TDRD7: variants seen among roughly 807,000 people sequenced by gnomAD.
TDRD7 encodes tudor domain containing 7.
In TDRD7, 47 loss-of-function variants were observed where a neutral mutation model predicts 109.8. The observed-to-expected ratio is 0.43, with a 90% CI of 0.34 to 0.55. The LOEUF (loss-of-function observed/expected upper bound fraction) is 0.55. TDRD7 is among the 20% of genes least tolerant of loss of function. The pLI is 0.03. For missense variants in TDRD7, 1,164 were observed against 1,319.2 expected (o/e 0.88, Z 1.82); for synonymous variants, 424 against 457.3 (o/e 0.93, Z 0.93).
chr9:97,443,103 CAT>C (rs773055612), intron 6 of TDRD7, among the ~76,000 whole-genome samples: 9 of 152,110 alleles, frequency 5.9e-5, no homozygotes, highest in East Asian at 3.9e-4. Context: ...TGGCCGAAAA[CAT>C]GTGTTTTTGT....
chr9:97,454,351 G>C (rs988992915), intron 6 of TDRD7, among the ~76,000 whole-genome samples: 2 of 152,056 alleles, frequency 1.3e-5, no homozygotes, highest in African/African-American at 2.4e-5. Flanking sequence ...GTGGTGGCAG[G>C]CACCTGTAGT....
intron 13 of TDRD7, chr9:97,480,500 G>T: frequency 3.3e-6 from 1 of 302,604 alleles, no homozygotes; most frequent in Non-Finnish European, 6.4e-6. Context: ...TGCAACTTTG[G>T]TATCTTATAC....
intron 12 of TDRD7, among the ~76,000 whole-genome samples, chr9:97,477,226 A>G (rs1829038092): frequency 6.6e-6 from 1 of 152,216 alleles, no homozygotes; most frequent in Non-Finnish European, 1.5e-5. Context: ...TAACCATTGC[A>G]TAATTATCAA....
At chr9:97,462,011 T>C (rs963569544) in intron 7 of TDRD7, among the ~76,000 whole-genome samples, 1 of 152,186 alleles carries the variant, frequency 6.6e-6, no homozygotes, top group East Asian at 1.9e-4. Context: ...CCAGAAACTT[T>C]AGAGAGGATA....
At position 97,412,532 on chromosome 9, in the gene TDRD7, C is replaced by G. The variant is rs1234899732; in HGVS notation, c.-7+294C>G. Among the ~76,000 whole-genome samples the G allele has an allele frequency of 6.6e-6, 1 of 152,208 alleles. No homozygotes were observed. Among genetic ancestry groups the G allele is most frequent in the African/African-American group, 2.4e-5 (1 of 41,464 alleles). ...GGGAGTCGGACGGAGCCTCCTGCCG[C>G]CTCGGAAGCTCTGCGCCGTGGGGGA... On this transcript the variant is annotated intron_variant, in intron 1 of 16. Transcript: ENST00000355295. The surrounding 1 kb of genome is among the most constrained non-coding windows in gnomAD (Gnocchi z 4.3).
chr9:97,479,834 GACAA>G (rs1829084666), intron 13 of TDRD7, among the ~76,000 whole-genome samples: 1 of 152,160 alleles, frequency 6.6e-6, no homozygotes, highest in African/African-American at 2.4e-5. Flanking sequence ...CTTCTCTCTT[GACAA>G]ATTGGAAAAT....
intron 16 of TDRD7, among the ~76,000 whole-genome samples, chr9:97,493,004 C>G (rs1403766709): frequency 1.3e-5 from 2 of 152,096 alleles, no homozygotes; most frequent in Non-Finnish European, 2.9e-5. Flanking sequence ...CCTAGCCAAG[C>G]CCTTTGACAT....
chr9:97,486,620 C>A (rs770196415), intron 15 of TDRD7, among the ~76,000 whole-genome samples: 7 of 152,174 alleles, frequency 4.6e-5, no homozygotes, highest in Non-Finnish European at 8.8e-5. Flanking sequence ...AGTCTGACTT[C>A]TCTTCCATTC....
intron 8 of TDRD7, among the ~76,000 whole-genome samples, chr9:97,466,450 T>C (rs1388361065): frequency 1.8e-5 from 2 of 109,328 alleles, no homozygotes; most frequent in African/African-American, 7.2e-5. Flanking sequence ...TTACGAACAC[T>C]TAACCATATG....
At chr9:97,458,928 C>G (rs1224218611) in intron 6 of TDRD7, among the ~76,000 whole-genome samples, 1 of 152,122 alleles carries the variant, frequency 6.6e-6, no homozygotes, top group Non-Finnish European at 1.5e-5. Flanking sequence ...AGTCAGTGTT[C>G]TTTACTAATA....
At chr9:97,426,885 C>T (rs1332483304) in intron 1 of TDRD7, among the ~76,000 whole-genome samples, 1 of 152,132 alleles carries the variant, frequency 6.6e-6, no homozygotes, top group African/African-American at 2.4e-5. Flanking sequence ...GTATGTCATT[C>T]TTCTTTTGTG....
rs567032688 is a variant in TDRD7 at position 97,480,146 on chromosome 9, C to T, written c.2302-682C>T. ...TTCATCCCCTTCACAAAATTGTTTC[C>T]GTTGATTCGAGGGTTTGCTTGAAGC... is the stretch of plus-strand genomic sequence containing the variant. On this transcript the variant is annotated intron_variant, in intron 13 of 16. Transcript: ENST00000355295. 3.3e-5 allele frequency among the ~76,000 whole-genome samples: 5 copies of T among 152,262 alleles called. No individual in the cohort carries two copies. The South Asian group carries it at 8.3e-4, about 25-fold the overall frequency.
At chr9:97,484,486 A>ACC (rs766647405) in intron 15 of TDRD7, among the ~76,000 whole-genome samples, 3 of 149,420 alleles carry the variant, frequency 2.0e-5, no homozygotes, top group Non-Finnish European at 4.5e-5. Flanking sequence ...ACACACACAC[A>ACC]CACACACCCC....
In TDRD7 at chr9:97,421,004, G is replaced by A. The variant is rs146821598; in HGVS notation, c.-6-7456G>A. 6.9e-3 allele frequency among the ~76,000 whole-genome samples: 1,053 copies of A among 152,128 alleles called. 14 individuals carry two copies. The highest frequency in any genetic ancestry group is 0.024 in the African/African-American group (1,010 of 41,482). On this transcript the variant is annotated intron_variant, in intron 1 of 16. Coordinates refer to ENST00000355295, the MANE Select transcript of TDRD7 (RefSeq NM_014290.3). ...AAAAAAATTAGCTGGGCGAGGTGGT[G>A]TGTGCCTGTAGTCCCAGCAACTCGG...
chr9:97,414,363 T>A (rs1342504134), intron 1 of TDRD7, among the ~76,000 whole-genome samples: 3 of 152,274 alleles, frequency 2.0e-5, no homozygotes, highest in African/African-American at 7.2e-5. Flanking sequence ...CTTGGCATTT[T>A]AGCCTGTGCA....
intron 16 of TDRD7, 60 bp from the exon 17 acceptor site, chr9:97,495,603 G>T: frequency 6.7e-7 from 1 of 1,483,528 alleles, no homozygotes; most frequent in South Asian, 1.1e-5. Flanking sequence ...CATCATAATG[G>T]ATCAAAGAAA....
intron 8 of TDRD7, among the ~76,000 whole-genome samples, chr9:97,469,490 G>C (rs1051979219): frequency 1.3e-5 from 2 of 152,112 alleles, no homozygotes; most frequent in African/African-American, 4.8e-5. Flanking sequence ...TTTTTGTTTC[G>C]TGTGTTTAGT....
intron 6 of TDRD7, among the ~76,000 whole-genome samples, chr9:97,454,349 A>G (rs935046105): frequency 1.3e-5 from 2 of 152,100 alleles, no homozygotes; most frequent in South Asian, 2.1e-4. Flanking sequence ...GTGTGGTGGC[A>G]GGCACCTGTA....
In TDRD7 at chr9:97,475,394, T is replaced by A. The variant is rs776701594; in HGVS notation, c.2091T>A (p.Ser697=). 1 of 1,613,384 alleles carries A rather than the reference T, an allele frequency of 6.2e-7. No homozygotes were observed. The highest frequency in any genetic ancestry group is 2.2e-5 in the East Asian group (1 of 44,870). The stretch of plus-strand genomic sequence containing the variant: ...TTTCTGTTTTGCAGCACATGACCTC[T>A]GAGTGCTTTGTTTCATTACCCTTCT... ...EDYFHCKHMT[S]ECFVSLPFCG... The change falls in exon 12 of 17, where the codon TCT becomes TCA. Residue 697 remains serine (S), a synonymous_variant. Transcript: ENST00000355295.
Sources: gnomAD v4.1 joint callset for allele counts (sites outside exome capture counted in the v4.1 genomes callset) on GRCh38, gnomAD v4.1.1 for gene constraint, Gnocchi (gnomAD v3.1) non-coding constraint, MANE v1.5 for transcripts, NCBI Gene and HGNC (gene_info 2026-07-23, HGNC 2026-07-21) for gene names.